FHOD3: variants seen among roughly 807,000 people sequenced by gnomAD.
FHOD3 encodes the protein formin homology 2 domain containing 3.
Under a neutral mutation model 173.0 loss-of-function variants are expected in FHOD3, and 90 were observed. The observed-to-expected ratio is 0.52, with a 90% CI of 0.44 to 0.62. The LOEUF (loss-of-function observed/expected upper bound fraction) is 0.62. FHOD3 is among the 20% of genes least tolerant of loss of function. FHOD3 has a pLI of 0.00. For missense variants in FHOD3, 1,945 were observed against 2,034.7 expected (o/e 0.96, Z 0.85); for synonymous variants, 828 against 823.0 (o/e 1.01, Z -0.10).
intron 3 of FHOD3, among the ~76,000 whole-genome samples, chr18:36,454,075 A>G (rs943223777): frequency 1.7e-4 from 26 of 152,144 alleles, no homozygotes; most frequent in Admixed American, 1.2e-3. Flanking sequence ...AATCCAATGT[A>G]TTTTGCATAT....
intron 14 of FHOD3, among the ~76,000 whole-genome samples, chr18:36,678,270 T>A (rs1003070065): frequency 1.3e-5 from 2 of 152,126 alleles, no homozygotes; most frequent in African/African-American, 4.8e-5. Flanking sequence ...CCAGGTATAG[T>A]GGCTCATGCC....
intron 5 of FHOD3, among the ~76,000 whole-genome samples, chr18:36,515,746 A>G (rs2055936091): frequency 6.6e-6 from 1 of 152,120 alleles, no homozygotes. Flanking sequence ...CATTGCCACC[A>G]CCAAAGCCTT....
At chr18:36,481,229 T>G (rs2053876297) in intron 3 of FHOD3, among the ~76,000 whole-genome samples, 1 of 152,068 alleles carries the variant, frequency 6.6e-6, no homozygotes, top group African/African-American at 2.4e-5. Context: ...ATCTCTTTTC[T>G]TAGTAAATTG....
chr18:36,341,243 T>C (rs2045603992), intron 1 of FHOD3, among the ~76,000 whole-genome samples: 1 of 152,226 alleles, frequency 6.6e-6, no homozygotes, highest in Admixed American at 6.5e-5. Context: ...AATTGAATAG[T>C]AAATATTTTT....
intron 27 of FHOD3, among the ~76,000 whole-genome samples, chr18:36,768,422 C>G (rs952193726): frequency 6.6e-6 from 1 of 152,154 alleles, no homozygotes; most frequent in Non-Finnish European, 1.5e-5. Flanking sequence ...GGATGCGAAG[C>G]CCATGTATAT....
At chr18:36,521,308 T>A (rs1194231079) in intron 5 of FHOD3, among the ~76,000 whole-genome samples, 1 of 152,156 alleles carries the variant, frequency 6.6e-6, no homozygotes, top group Non-Finnish European at 1.5e-5. Context: ...GCCTCAGGCC[T>A]GTGGAGCCAG....
chr18:36,355,870 C>G (rs1188091364), intron 2 of FHOD3, among the ~76,000 whole-genome samples: 1 of 152,172 alleles, frequency 6.6e-6, no homozygotes, highest in Non-Finnish European at 1.5e-5. Context: ...TTCCTAGGAA[C>G]ATTTGTGGTA....
chr18:36,338,138 C>T (rs911351108), intron 1 of FHOD3, among the ~76,000 whole-genome samples: 4 of 152,170 alleles, frequency 2.6e-5, no homozygotes, highest in Non-Finnish European at 5.9e-5. Context: ...AGGTAGAGAA[C>T]ATTAGTGTTA....
At chr18:36,398,907 T>C (rs1360592807) in intron 3 of FHOD3, among the ~76,000 whole-genome samples, 2 of 152,004 alleles carry the variant, frequency 1.3e-5, no homozygotes, top group Non-Finnish European at 2.9e-5. Context: ...AGGAGAAATA[T>C]GTGTGGCATG....
intron 3 of FHOD3, among the ~76,000 whole-genome samples, chr18:36,420,669 T>C (rs1331270008): frequency 6.6e-6 from 1 of 152,208 alleles, no homozygotes; most frequent in African/African-American, 2.4e-5. Flanking sequence ...TTAAGAGCAG[T>C]GTTTGCCTAA....
intron 14 of FHOD3, among the ~76,000 whole-genome samples, chr18:36,661,717 T>C (rs1232234390): frequency 1.3e-5 from 2 of 152,182 alleles, no homozygotes; most frequent in African/African-American, 4.8e-5. Flanking sequence ...TAGATGTTGA[T>C]AAAACTTGGA....
intron 20 of FHOD3, among the ~76,000 whole-genome samples, chr18:36,733,804 C>T (rs1437784498): frequency 6.6e-6 from 1 of 152,174 alleles, no homozygotes; most frequent in Non-Finnish European, 1.5e-5. Context: ...ACAGATTCTC[C>T]TCAAAGCTTA....
At chr18:36,366,790 G>A (rs574405751) in intron 2 of FHOD3, among the ~76,000 whole-genome samples, 6 of 152,332 alleles carry the variant, frequency 3.9e-5, no homozygotes, top group Admixed American at 2.6e-4. Context: ...CACAGCTCCA[G>A]AAGCTTACTA....
intron 14 of FHOD3, among the ~76,000 whole-genome samples, chr18:36,681,055 A>G (rs1568597939): frequency 1.3e-5 from 2 of 152,194 alleles, no homozygotes; most frequent in Non-Finnish European, 2.9e-5. Flanking sequence ...TAGGTAGAAA[A>G]TAGTTTTAGA....
At chr18:36,558,803 G>T (rs1317583434) in intron 5 of FHOD3, among the ~76,000 whole-genome samples, 1 of 152,120 alleles carries the variant, frequency 6.6e-6, no homozygotes, top group Non-Finnish European at 1.5e-5. Context: ...ATAGTCCATG[G>T]TGTGTCATCA....
At chr18:36,391,658 C>G (rs1177562207) in intron 3 of FHOD3, among the ~76,000 whole-genome samples, 1 of 152,142 alleles carries the variant, frequency 6.6e-6, no homozygotes, top group Non-Finnish European at 1.5e-5. Context: ...GGACCCTTGT[C>G]TCAGGTGACT....
intron 3 of FHOD3, among the ~76,000 whole-genome samples, chr18:36,463,120 A>G (rs913386048): frequency 6.6e-6 from 1 of 152,068 alleles, no homozygotes; most frequent in Non-Finnish European, 1.5e-5. Context: ...ATTGACAACT[A>G]TGTTAATGGG....
intron 3 of FHOD3, among the ~76,000 whole-genome samples, chr18:36,391,057 C>A (rs1389168463): frequency 6.6e-6 from 1 of 152,216 alleles, no homozygotes; most frequent in African/African-American, 2.4e-5. Context: ...GCAGAAAGCC[C>A]AGCACTCCAA....
intron 1 of FHOD3, among the ~76,000 whole-genome samples, chr18:36,309,375 G>T (rs1043613452): frequency 6.6e-6 from 1 of 152,194 alleles, no homozygotes; most frequent in Admixed American, 6.5e-5. Flanking sequence ...GGTAGACCTG[G>T]GGAGAAAGGA....
Sources: gnomAD v4.1 joint callset for allele counts (sites outside exome capture counted in the v4.1 genomes callset) on GRCh38, gnomAD v4.1.1 for gene constraint, MANE v1.5 for transcripts, NCBI Gene and HGNC (gene_info 2026-07-23, HGNC 2026-07-21) for gene names.